The following VWA8 variants were observed in gnomAD, a reference collection of about 807,000 sequenced individuals.
The protein encoded by VWA8 is von Willebrand factor A domain-containing protein 8.
In VWA8, 221 loss-of-function variants were observed where a neutral mutation model predicts 241.5. The observed-to-expected ratio is 0.91, with a 90% CI of 0.82 to 1.02. The LOEUF (loss-of-function observed/expected upper bound fraction) is 1.02. VWA8 is among the 50% of genes least tolerant of loss of function. VWA8 has a pLI of 0.00. For missense variants in VWA8, 2,322 were observed against 2,328.7 expected, an observed-to-expected ratio of 1.00 and a Z score of 0.06; for synonymous variants, 852 against 827.1, an observed-to-expected ratio of 1.03 and a Z score of -0.52.
intron 20 of VWA8, among the ~76,000 whole-genome samples, chr13:41,762,105 G>A (rs2045745277): frequency 6.6e-6 from 1 of 152,026 alleles, no homozygotes; most frequent in African/African-American, 2.4e-5. Context: ...ATGTGCAAAG[G>A]TCATGCTCAA....
intron 10 of VWA8, among the ~76,000 whole-genome samples, chr13:41,866,889 T>A (rs1054019898): frequency 6.6e-6 from 1 of 152,224 alleles, no homozygotes; most frequent in Non-Finnish European, 1.5e-5. Context: ...ATCTTTTACA[T>A]CTACTTCTCA....
intron 9 of VWA8, among the ~76,000 whole-genome samples, chr13:41,874,883 T>C (rs1873822841): frequency 6.6e-6 from 1 of 152,044 alleles, no homozygotes; most frequent in African/African-American, 2.4e-5. Flanking sequence ...CAGAAGTAAA[T>C]CTGAGCCCAT....
At chr13:41,598,072 T>C (rs73464924) in intron 40 of VWA8, among the ~76,000 whole-genome samples, 1,555 of 152,204 alleles carry the variant, frequency 0.01, 28 homozygotes, top group African/African-American at 0.034. Flanking sequence ...CTTCTTCACA[T>C]AGCAATCAGA....
rs76901122 is a variant in VWA8, at chr13:41,579,809, C to T, written c.5272-3971G>A. On this transcript the variant is annotated intron_variant, in intron 42 of 44. Transcript: ENST00000379310. The stretch of plus-strand genomic sequence containing the variant: ...ACTTCCTTAAGGGTGTTGGTTAAAC[C>T]CCAGGTTTTCTGACACTAAATCCAT... 6.2e-4 allele frequency among the ~76,000 whole-genome samples: 94 copies of T among 152,160 alleles called. 1 individual carries two copies. In the East Asian group the frequency reaches 0.017, roughly 27 times the overall value.
intron 2 of VWA8, among the ~76,000 whole-genome samples, chr13:41,936,987 T>C (rs1408109442): frequency 1.3e-5 from 2 of 152,210 alleles, no homozygotes; most frequent in Non-Finnish European, 1.5e-5. Flanking sequence ...GTCATAACAC[T>C]GTAGTTAATG....
chr13:41,790,085 T>C (rs1869385545), intron 17 of VWA8, among the ~76,000 whole-genome samples: 1 of 152,158 alleles, frequency 6.6e-6, no homozygotes, highest in Non-Finnish European at 1.5e-5. Context: ...TTCAAAGTGA[T>C]GGTTAATATC....
intron 37 of VWA8, among the ~76,000 whole-genome samples, chr13:41,647,943 C>T (rs1218859336): frequency 5.3e-5 from 8 of 151,894 alleles, no homozygotes; most frequent in Non-Finnish European, 1.0e-4. Flanking sequence ...GAGCCAAGAT[C>T]GCACCACTGC....
chr13:41,611,961 T>C (rs573661481), intron 38 of VWA8, among the ~76,000 whole-genome samples: 3 of 152,346 alleles, frequency 2.0e-5, no homozygotes, highest in African/African-American at 7.2e-5. Context: ...CCAGCTTCTA[T>C]GACACCTTAG....
chr13:41,864,951 T>C (rs1029316062), intron 12 of VWA8, among the ~76,000 whole-genome samples: 2 of 146,266 alleles, frequency 1.4e-5, no homozygotes, highest in Non-Finnish European at 1.5e-5. Context: ...GATTGTGCCA[T>C]TGCATTGCAG....
At chr13:41,590,537 C>A in intron 41 of VWA8, 103 bp downstream of exon 41, 9 of 1,149,710 alleles carry the variant, frequency 7.8e-6, no homozygotes, top group South Asian at 2.4e-5. Context: ...CCTTGGTTAC[C>A]ATATTCAGGA....
In VWA8 at chr13:41,859,364, T is replaced by C. The variant is rs1168801963; in HGVS notation, c.1425+6372A>G. Among the ~76,000 whole-genome samples, 48 of 152,216 alleles carry C rather than the reference T, an allele frequency of 3.2e-4. 1 individual carries two copies. Among genetic ancestry groups the C allele is most frequent in the Admixed American group, 3.1e-3 (48 of 15,272 alleles). ...GAGGGGAAAGGATTTGGTCTGAGTT[T>C]AGCTATAGAAAGAAAAACTTAGCTA... On this transcript the variant is annotated intron_variant, in intron 12 of 44. Coordinates refer to ENST00000379310, the MANE Select transcript of VWA8 (RefSeq NM_015058.2).
intron 1 of VWA8, among the ~76,000 whole-genome samples, chr13:41,959,123 T>C (rs190090325): frequency 7.2e-5 from 11 of 152,306 alleles, no homozygotes; most frequent in African/African-American, 2.4e-4. Context: ...AATTCTCAAA[T>C]AGCTAAAACT....
At chr13:41,933,782 T>C (rs181762938) in intron 2 of VWA8, among the ~76,000 whole-genome samples, 1 of 151,982 alleles carries the variant, frequency 6.6e-6, no homozygotes, top group African/African-American at 2.4e-5. Flanking sequence ...CTTTGACCCA[T>C]ACCCTATGCC....
intron 37 of VWA8, among the ~76,000 whole-genome samples, chr13:41,631,476 C>T (rs956554162): frequency 2.0e-5 from 3 of 152,140 alleles, no homozygotes; most frequent in African/African-American, 7.2e-5. Context: ...TACATGGACT[C>T]CCTGTCATAG....
chr13:41,889,524 G>A (rs1486983164), intron 5 of VWA8, among the ~76,000 whole-genome samples: 5 of 151,860 alleles, frequency 3.3e-5, no homozygotes, highest in East Asian at 3.9e-4. Context: ...GATTACAGGC[G>A]CATGCCACCA....
At chr13:41,721,294 C>A in intron 25 of VWA8, 76 bp downstream of exon 25, 3 of 1,442,534 alleles carry the variant, frequency 2.1e-6, no homozygotes, top group African/African-American at 2.8e-5. Flanking sequence ...ATTAAAAACT[C>A]TGGTACAAAC....
rs148843375 is a variant in VWA8 at position 41,706,730 on chromosome 13, A to T, written c.3117-3319T>A. ...ATAACCAGCTAGCAAAAGGCCCTCT[A>T]TTCCCTTAGTGAACTATGTCATCCA... On this transcript the variant is annotated intron_variant, in intron 26 of 44. Transcript: ENST00000379310. 3.0e-3 allele frequency among the ~76,000 whole-genome samples: 463 copies of T among 152,358 alleles called. 3 individuals carry two copies. The highest frequency in any genetic ancestry group is 5.7e-3 in the Non-Finnish European group (387 of 68,036).
chr13:41,652,055 C>A (rs965988109), intron 37 of VWA8, among the ~76,000 whole-genome samples: 2 of 152,114 alleles, frequency 1.3e-5, no homozygotes, highest in African/African-American at 4.8e-5. Context: ...GAGGATAAGG[C>A]CAAATTGGGG....
intron 26 of VWA8, among the ~76,000 whole-genome samples, chr13:41,709,020 G>A (rs2045300178): frequency 6.6e-6 from 1 of 151,990 alleles, no homozygotes; most frequent in African/African-American, 2.4e-5. Flanking sequence ...CTAATCTTAT[G>A]TTCTTTCCTT....
Sources: allele counts gnomAD v4.1 joint callset (sites outside exome capture counted in the v4.1 genomes callset), GRCh38; gene constraint gnomAD v4.1.1; transcripts MANE v1.5; gene names NCBI Gene and HGNC (gene_info 2026-07-23, HGNC 2026-07-21).